The following HNF4G variants were observed in gnomAD, a reference collection of about 807,000 sequenced individuals.
HNF4G encodes the protein hepatocyte nuclear factor 4-gamma.
In HNF4G, 21 loss-of-function variants were observed where a neutral mutation model predicts 50.9. That is an observed-to-expected ratio of 0.41 (90% CI 0.29 to 0.59). HNF4G has a LOEUF of 0.59. Among genes scored for constraint, HNF4G ranks in the 20% least tolerant of loss-of-function variants. The pLI, the probability that HNF4G is intolerant of heterozygous loss-of-function variation, is 0.26. For synonymous variants in HNF4G, 198 were observed against 185.6 expected (o/e 1.07, Z -0.54); for missense variants, 527 against 559.4 (o/e 0.94, Z 0.58).
At chr8:75,488,230 A>G (rs1050817960) in intron 1 of HNF4G, among the ~76,000 whole-genome samples, 5 of 152,232 alleles carry the variant, frequency 3.3e-5, no homozygotes, top group African/African-American at 4.8e-5. Context: ...CTGTTGTTAA[A>G]TGTAATTTGA....
chr8:75,463,703 G>C (rs996788509), intron 1 of HNF4G, among the ~76,000 whole-genome samples: 5 of 150,090 alleles, frequency 3.3e-5, no homozygotes, highest in Non-Finnish European at 5.9e-5. Flanking sequence ...CTTTGGTCAG[G>C]TGTCAAGTTT....
chr8:75,545,713 T>C (rs899275838), intron 2 of HNF4G, among the ~76,000 whole-genome samples: 2 of 152,158 alleles, frequency 1.3e-5, no homozygotes, highest in African/African-American at 4.8e-5. Context: ...CTTTTCATGT[T>C]ATGTTTTTCA....
At chr8:75,558,422 T>C (rs1027741140) in intron 6 of HNF4G, 96 bp from the exon 7 acceptor site, 2 of 1,161,784 alleles carry the variant, frequency 1.7e-6, no homozygotes, top group Non-Finnish European at 2.4e-6. Context: ...GGGTAGACTA[T>C]TTTAAACACC....
At chr8:75,411,805 G>T (rs987449672) in intron 1 of HNF4G, among the ~76,000 whole-genome samples, 3 of 152,114 alleles carry the variant, frequency 2.0e-5, no homozygotes, top group African/African-American at 7.2e-5. Context: ...AGGGGTGCTT[G>T]GGCAACCTAT....
At chr8:75,445,736 G>T (rs913088391) in intron 1 of HNF4G, among the ~76,000 whole-genome samples, 4 of 143,696 alleles carry the variant, frequency 2.8e-5, no homozygotes, top group Non-Finnish European at 6.0e-5. Flanking sequence ...CCAGGAAGAA[G>T]TTGAATCTCT....
At chr8:75,493,224 C>T (rs1225521161) in intron 2 of HNF4G, among the ~76,000 whole-genome samples, 3 of 151,976 alleles carry the variant, frequency 2.0e-5, no homozygotes, top group Non-Finnish European at 4.4e-5. Context: ...TTAGAAAAGA[C>T]AGCAAGGTAT....
intron 1 of HNF4G, among the ~76,000 whole-genome samples, chr8:75,462,069 C>A (rs890767775): frequency 1.3e-5 from 2 of 151,686 alleles, no homozygotes. Flanking sequence ...AGGCATGCAC[C>A]ACCATGGCTG....
intron 5 of HNF4G, among the ~76,000 whole-genome samples, chr8:75,554,538 A>C (rs1807058636): frequency 6.6e-6 from 1 of 152,154 alleles, no homozygotes. Flanking sequence ...GCTCGGTGAC[A>C]GGTGTTATTA....
intron 1 of HNF4G, among the ~76,000 whole-genome samples, chr8:75,476,192 G>A (rs775077860): frequency 1.4e-5 from 2 of 140,952 alleles, no homozygotes; most frequent in African/African-American, 2.5e-5. Flanking sequence ...AGAACATGTG[G>A]TATTTGATTT....
chr8:75,442,269 C>T (rs1318951703), intron 1 of HNF4G, among the ~76,000 whole-genome samples: 1 of 152,066 alleles, frequency 6.6e-6, no homozygotes, highest in Admixed American at 6.6e-5. Context: ...TACTTTATAG[C>T]CTGGGTATCG....
chr8:75,466,930 TA>T (rs1812002721), intron 1 of HNF4G, among the ~76,000 whole-genome samples: 1 of 152,064 alleles, frequency 6.6e-6, no homozygotes, highest in South Asian at 2.1e-4. Context: ...GCAGTCTGCC[TA>T]ACTCAAGATT....
At chr8:75,551,021 C>G (rs1009771908) in intron 3 of HNF4G, among the ~76,000 whole-genome samples, 3 of 152,114 alleles carry the variant, frequency 2.0e-5, no homozygotes, top group Admixed American at 6.5e-5. Context: ...AGTGAATACA[C>G]TCTTATCTTT....
At chr8:75,541,430 C>A (rs1243403914) in intron 1 of HNF4G, among the ~76,000 whole-genome samples, 1 of 152,044 alleles carries the variant, frequency 6.6e-6, no homozygotes, top group East Asian at 1.9e-4. Flanking sequence ...TTGTCAATAT[C>A]TGTTTTGTTA....
exon 1 of HNF4G, chr8:75,408,128 G>A: frequency 6.5e-6 from 1 of 152,986 alleles, no homozygotes; most frequent in Non-Finnish European, 1.5e-5. Context: ...CCGAGGCCTC[G>A]CCCAGCCTGC....
At chr8:75,494,300 G>GCACACACACACACACACA (rs755362411) in intron 2 of HNF4G, among the ~76,000 whole-genome samples, 1 of 77,264 alleles carries the variant, frequency 1.3e-5, no homozygotes, top group Non-Finnish European at 2.4e-5. Context: ...CTCCCATACA[G>GCACACACACACACACACA]CACACACACA....
intron 1 of HNF4G, among the ~76,000 whole-genome samples, chr8:75,465,398 C>G (rs1423125432): frequency 6.6e-6 from 1 of 152,006 alleles, no homozygotes; most frequent in Non-Finnish European, 1.5e-5. Context: ...CATCTCTATG[C>G]CAATCAAAGG....
chr8:75,558,760 T>A, intron 7 of HNF4G, 41 bp from the exon 8 acceptor site: 1 of 1,582,258 alleles, frequency 6.3e-7, no homozygotes, highest in Non-Finnish European at 8.7e-7. Flanking sequence ...ACACTGTAAT[T>A]AGGTTAAATC....
intron 1 of HNF4G, among the ~76,000 whole-genome samples, chr8:75,426,455 A>G (rs72658087): frequency 2.4e-3 from 367 of 152,288 alleles, no homozygotes; most frequent in Admixed American, 3.3e-3. Context: ...TTAAGCAGAC[A>G]CTTCTTTTAT....
At chr8:75,411,987 G>C (rs548783745) in intron 1 of HNF4G, among the ~76,000 whole-genome samples, 1 of 152,318 alleles carries the variant, frequency 6.6e-6, no homozygotes, top group South Asian at 2.1e-4. Flanking sequence ...GGTAGAGTGA[G>C]ATAATGCATC....
Sources: allele counts gnomAD v4.1 joint callset (sites outside exome capture counted in the v4.1 genomes callset), GRCh38; gene constraint gnomAD v4.1.1; transcripts MANE v1.5; gene names NCBI Gene and HGNC (gene_info 2026-07-23, HGNC 2026-07-21).